The following PCNA variants were observed in gnomAD, a reference collection of about 807,000 sequenced individuals.
The protein encoded by PCNA is proliferating cell nuclear antigen.
PCNA carries 4 observed loss-of-function variants against 27.8 expected under a neutral mutation model. That is an observed-to-expected ratio of 0.14 (90% CI 0.07 to 0.33). PCNA has a LOEUF of 0.33. Among genes scored for constraint, PCNA ranks in the 10% least tolerant of loss-of-function variants. The probability of loss-of-function intolerance (pLI) is 1.00; values close to 1 mark genes in which losing one functional copy is unlikely to be tolerated. For missense variants in PCNA, 165 were observed against 327.4 expected (o/e 0.50, Z 3.83); for synonymous variants, 121 against 119.4 (o/e 1.01, Z -0.09).
chr20:5,115,214 A>C lies in PCNA; in HGVS notation c.*69T>G, dbSNP rs764617171. On this transcript the variant is annotated 3_prime_UTR_variant, in exon 6 of 6. Transcript: ENST00000379143. ...CAAATTTGGTGACAGAAAAGACTTCAGTATATGCTGGCATCTTAGAAGCAG... is the reference window on the plus strand; with the variant it reads ...CAAATTTGGTGACAGAAAAGACTTCCGTATATGCTGGCATCTTAGAAGCAG... The C allele has an allele frequency of 2.6e-6, 3 of 1,163,016 alleles. No homozygotes were observed. The highest frequency in any genetic ancestry group is 3.8e-6 in the Non-Finnish European group (3 of 781,982). 72.0% of individuals were successfully genotyped at this position (1,163,016 alleles called of 1,614,324 possible). A position where few individuals can be genotyped will look rare whatever the true frequency, so the allele number is the denominator to read the frequency against.
chr20:5,121,386 CTTT>C (rs10712798), upstream of PCNA: 70 of 97,178 alleles, frequency 7.2e-4, no homozygotes, highest in East Asian at 1.4e-3. Context: ...CCTTTCTTTC[CTTT>C]TTTTTTTTTT....
At chr20:5,124,799 G>C (rs1228866497), upstream of PCNA, among the ~76,000 whole-genome samples, 2 of 152,084 alleles carry the variant, frequency 1.3e-5, no homozygotes, top group African/African-American at 4.8e-5. Flanking sequence ...TAACCTGAGA[G>C]GGCTGAGTGT....
At chr20:5,125,359 T>C (rs2090540344) in intron 1 of PCNA, among the ~76,000 whole-genome samples, 1 of 152,150 alleles carries the variant, frequency 6.6e-6, no homozygotes, top group African/African-American at 2.4e-5. Flanking sequence ...TGGTAGCTCA[T>C]GCCTGTAATC....
At position 5,119,592 on chromosome 20, in the gene PCNA, G is replaced by T. The variant is rs1203405072; in HGVS notation, c.207C>A (p.Gly69=). The change falls in exon 1 of 6, where the codon GGC becomes GGA. Residue 69 remains glycine (G), a synonymous_variant. Coordinates refer to ENST00000379143, the MANE Select transcript of PCNA (RefSeq NM_182649.2). ...TYRCDRNLAM[G]VNLTSMSKIL... ...GCGAGGCTCACCTGGTGAGGTTCACGCCCATGGCCAGGTTGCGGTCGCAGC... is the reference window on the plus strand; with the variant it reads ...GCGAGGCTCACCTGGTGAGGTTCACTCCCATGGCCAGGTTGCGGTCGCAGC... 6.2e-7 allele frequency: 1 copy of T among 1,612,438 alleles called. No homozygotes were observed. The highest frequency in any genetic ancestry group is 1.3e-5 in the African/African-American group (1 of 75,038).
intron 4 of PCNA, among the ~76,000 whole-genome samples, chr20:5,116,654 G>GT (rs942236721): frequency 5.9e-5 from 9 of 151,892 alleles, no homozygotes; most frequent in Admixed American, 1.3e-4. Context: ...AGGTTAGCGA[G>GT]TTTTTTTTGT....
chr20:5,120,151 C>T (rs2090508903), upstream of PCNA: 3 of 279,148 alleles, frequency 1.1e-5, no homozygotes, highest in South Asian at 3.3e-5. Flanking sequence ...CTCCCCGCCT[C>T]TTTGACTCCT....
rs923461436 is a variant in PCNA at position 5,115,943 on chromosome 20, C to T, written c.583-371G>A. Among the ~76,000 whole-genome samples the T allele has an allele frequency of 2.0e-5, 3 of 152,118 alleles. No individual in the cohort carries two copies. The South Asian group carries it at 6.2e-4, about 31-fold the overall frequency. ...AACACATCCAGACACCCTGTGCCTC[C>T]TACTAGAGGCACACACCACCACCTA... is the stretch of plus-strand genomic sequence containing the variant. On this transcript the variant is annotated intron_variant, in intron 4 of 5. Transcript: ENST00000379143.
upstream of PCNA, among the ~76,000 whole-genome samples, chr20:5,121,866 A>G (rs1039705780): frequency 2.6e-5 from 4 of 151,970 alleles, no homozygotes; most frequent in African/African-American, 4.8e-5. Flanking sequence ...GGCTCAAGCA[A>G]TCTTCCCAAT....
chr20:5,118,311 T>C (rs1209700080), intron 3 of PCNA, among the ~76,000 whole-genome samples: 3 of 152,212 alleles, frequency 2.0e-5, no homozygotes, highest in Non-Finnish European at 2.9e-5. Flanking sequence ...GGAGGATCAC[T>C]TGAGGCCAGG....
chr20:5,125,380 G>A (rs2090540440), intron 1 of PCNA, among the ~76,000 whole-genome samples: 1 of 152,228 alleles, frequency 6.6e-6, no homozygotes, highest in South Asian at 2.1e-4. Flanking sequence ...CCAGCACTTT[G>A]GGAGACCTAG....
upstream of PCNA, among the ~76,000 whole-genome samples, chr20:5,121,939 A>G (rs138876679): frequency 2.0e-5 from 3 of 151,072 alleles, no homozygotes; most frequent in East Asian, 5.8e-4. Flanking sequence ...ACTGTTACAC[A>G]ATGCTTTATC....
Position 5,115,331 on chromosome 20 carries a change from G to C in PCNA, c.738C>G (p.His246Gln). 6.2e-7 allele frequency: 1 copy of C among 1,613,910 alleles called. No homozygotes were observed. The highest frequency in any genetic ancestry group is 8.5e-7 in the Non-Finnish European group (1 of 1,179,838). ...TCTTGGGAGCCAAGTAGTATTTTAA[G>C]TGTCCCATATCCGCAATTTTATACT... ...VVEYKIADMG[H>Q]LKYYLAPKIE... The change falls in exon 6 of 6, where the codon CAC becomes CAG. Residue 246 changes from histidine (H) to glutamine (Q), a missense_variant. His to Gln is a conservative substitution (Grantham distance 24, BLOSUM62 0). Transcript: ENST00000379143.
At chr20:5,121,667 CA>C (rs1425168796), upstream of PCNA, 1 of 152,056 alleles carries the variant, frequency 6.6e-6, no homozygotes, top group Non-Finnish European at 1.5e-5. Context: ...CTCCCTTTGA[CA>C]CCCAGGCTGG....
intron 1 of PCNA, chr20:5,126,406 G>A (rs1256736044): frequency 6.6e-6 from 1 of 152,272 alleles, no homozygotes; most frequent in African/African-American, 2.4e-5. Context: ...CTGAAGCGTG[G>A]GTTTCATTTC....
At chr20:5,124,743 C>T (rs1166052782), upstream of PCNA, among the ~76,000 whole-genome samples, 1 of 152,192 alleles carries the variant, frequency 6.6e-6, no homozygotes, top group Non-Finnish European at 1.5e-5. Flanking sequence ...GACCCCTGTT[C>T]GTCACACAGT....
At chr20:5,119,126 A>G (rs971375721) in intron 1 of PCNA, among the ~76,000 whole-genome samples, 1 of 152,142 alleles carries the variant, frequency 6.6e-6, no homozygotes, top group African/African-American at 2.4e-5. Flanking sequence ...ACAGGCTGCC[A>G]CATTTCTCGC....
In PCNA at chr20:5,115,946, C is replaced by G. The variant is rs541979578; in HGVS notation, c.583-374G>C. ...ACATCCAGACACCCTGTGCCTCCTA[C>G]TAGAGGCACACACCACCACCTATAT... is the stretch of plus-strand genomic sequence containing the variant. On this transcript the variant is annotated intron_variant, in intron 4 of 5. Coordinates refer to ENST00000379143, the MANE Select transcript of PCNA (RefSeq NM_182649.2). Among the ~76,000 whole-genome samples the G allele has an allele frequency of 3.9e-5, 6 of 152,254 alleles. No homozygotes were observed. In the East Asian group the frequency reaches 7.7e-4, roughly 20 times the overall value.
At chr20:5,119,975 G>C, upstream of PCNA, 2 of 607,572 alleles carry the variant, frequency 3.3e-6, no homozygotes, top group Non-Finnish European at 2.9e-6. Flanking sequence ...GCGTCCGCAA[G>C]CGCGCGCTCT....
intron 1 of PCNA, among the ~76,000 whole-genome samples, chr20:5,119,324 C>T (rs1273073771): frequency 6.6e-6 from 1 of 152,194 alleles, no homozygotes; most frequent in Non-Finnish European, 1.5e-5. Context: ...GTTCCTGGCA[C>T]TGCGGAAAAA....
Sources: allele counts gnomAD v4.1 joint callset (sites outside exome capture counted in the v4.1 genomes callset), GRCh38; gene constraint gnomAD v4.1.1; transcripts MANE v1.5; gene names NCBI Gene and HGNC (gene_info 2026-07-23, HGNC 2026-07-21).